CCDC192: variants seen among roughly 807,000 people sequenced by gnomAD.
CCDC192 encodes coiled-coil domain-containing protein 192.
chr5:127,792,525 CATATATAT>C (rs34017962), intron 3 of CCDC192, among the ~76,000 whole-genome samples: 3 of 141,298 alleles, frequency 2.1e-5, no homozygotes, highest in Non-Finnish European at 3.1e-5. Flanking sequence ...ATCACCATCT[CATATATAT>C]ATATATATAT....
chr5:127,712,084 TA>T (rs1751371933), intron 2 of CCDC192, among the ~76,000 whole-genome samples: 1 of 152,172 alleles, frequency 6.6e-6, no homozygotes, highest in Admixed American at 6.5e-5. Flanking sequence ...GAGATTTTTA[TA>T]AACGGAGACA....
intron 2 of CCDC192, among the ~76,000 whole-genome samples, chr5:127,733,301 T>C (rs1210273186): frequency 6.6e-6 from 1 of 152,102 alleles, no homozygotes; most frequent in African/African-American, 2.4e-5. Context: ...ACCTACAGCT[T>C]GATGAGAGAA....
intron 2 of CCDC192, among the ~76,000 whole-genome samples, chr5:127,736,953 A>G (rs1753046211): frequency 6.7e-6 from 1 of 150,030 alleles, no homozygotes; most frequent in Non-Finnish European, 1.5e-5. Flanking sequence ...GATTTTAGTT[A>G]TTTCTTGCCT....
At chr5:127,752,473 C>G (rs1219964638) in intron 2 of CCDC192, among the ~76,000 whole-genome samples, 1 of 152,240 alleles carries the variant, frequency 6.6e-6, no homozygotes, top group Non-Finnish European at 1.5e-5. Context: ...TGCCCGTTCT[C>G]AGATCTCCAG....
At chr5:127,914,821 C>T (rs1460160100) in intron 6 of CCDC192, among the ~76,000 whole-genome samples, 3 of 152,042 alleles carry the variant, frequency 2.0e-5, no homozygotes, top group Admixed American at 1.3e-4. Context: ...ATTGATGGGC[C>T]GACTGACACA....
At chr5:127,741,592 C>CT (rs1179713882) in intron 2 of CCDC192, among the ~76,000 whole-genome samples, 1 of 152,120 alleles carries the variant, frequency 6.6e-6, no homozygotes, top group Non-Finnish European at 1.5e-5. Flanking sequence ...AAAGGAGTCT[C>CT]TGTTGCTCAT....
intron 5 of CCDC192, among the ~76,000 whole-genome samples, chr5:127,865,016 A>G (rs1004933676): frequency 6.6e-6 from 1 of 152,116 alleles, no homozygotes; most frequent in African/African-American, 2.4e-5. Context: ...GCGTGGTGGC[A>G]CGTGCCTGTA....
chr5:127,810,975 C>A (rs543989234), intron 5 of CCDC192, among the ~76,000 whole-genome samples: 2 of 152,290 alleles, frequency 1.3e-5, no homozygotes, highest in African/African-American at 4.8e-5. Flanking sequence ...TGGGCCCATT[C>A]AGAGCCTTGT....
intron 3 of CCDC192, among the ~76,000 whole-genome samples, chr5:127,760,094 C>CT (rs1369854896): frequency 6.6e-6 from 1 of 151,824 alleles, no homozygotes; most frequent in African/African-American, 2.4e-5. Flanking sequence ...TATGAGAAAA[C>CT]TTTTTAAAGT....
intron 5 of CCDC192, among the ~76,000 whole-genome samples, chr5:127,834,749 C>A (rs1175792997): frequency 6.6e-6 from 1 of 152,192 alleles, no homozygotes; most frequent in African/African-American, 2.4e-5. Flanking sequence ...TTGTTAAACT[C>A]TCTAGCGAAT....
At chr5:127,799,015 A>G (rs1213913597) in intron 5 of CCDC192, among the ~76,000 whole-genome samples, 1 of 152,104 alleles carries the variant, frequency 6.6e-6, no homozygotes, top group Non-Finnish European at 1.5e-5. Context: ...AATGCCTTAG[A>G]CATCTCCTCA....
intron 6 of CCDC192, among the ~76,000 whole-genome samples, chr5:127,894,990 T>C (rs930413448): frequency 5.3e-5 from 8 of 152,244 alleles, no homozygotes; most frequent in Admixed American, 1.3e-4. Flanking sequence ...ATTTTTTTTT[T>C]CCCTGCAACT....
At chr5:127,932,155 A>C (rs1356958022) in intron 6 of CCDC192, among the ~76,000 whole-genome samples, 1 of 145,536 alleles carries the variant, frequency 6.9e-6, no homozygotes, top group Non-Finnish European at 1.5e-5. Flanking sequence ...CTCCGTCTCA[A>C]AAAAAAAAAA....
chr5:127,741,328 G>A (rs1753407418), intron 2 of CCDC192, among the ~76,000 whole-genome samples: 2 of 152,112 alleles, frequency 1.3e-5, no homozygotes, highest in East Asian at 1.9e-4. Flanking sequence ...CTCCCAAAAT[G>A]CTGGGACTGC....
chr5:127,909,535 A>G (rs1313609552), intron 6 of CCDC192, among the ~76,000 whole-genome samples: 1 of 152,036 alleles, frequency 6.6e-6, no homozygotes, highest in African/African-American at 2.4e-5. Flanking sequence ...CTTGCTACCT[A>G]ATTTGCAGTC....
At chr5:127,780,957 G>A (rs1454143667) in intron 3 of CCDC192, among the ~76,000 whole-genome samples, 2 of 152,110 alleles carry the variant, frequency 1.3e-5, no homozygotes, top group Non-Finnish European at 2.9e-5. Flanking sequence ...ATAGTTTCAG[G>A]AAAGCACATA....
intron 2 of CCDC192, among the ~76,000 whole-genome samples, chr5:127,747,256 C>G (rs184360516): frequency 1.3e-5 from 2 of 151,998 alleles, no homozygotes; most frequent in African/African-American, 2.4e-5. Context: ...TCCCTCCCCC[C>G]TCTCCCCACC....
At chr5:127,737,514 A>G (rs1175525652) in intron 2 of CCDC192, among the ~76,000 whole-genome samples, 4 of 151,324 alleles carry the variant, frequency 2.6e-5, no homozygotes, top group African/African-American at 7.4e-5. Flanking sequence ...TGATCTGTCT[A>G]ATGTTAACAG....
chr5:127,921,022 G>A (rs1753697943), intron 6 of CCDC192, among the ~76,000 whole-genome samples: 1 of 151,180 alleles, frequency 6.6e-6, no homozygotes, highest in African/African-American at 2.4e-5. Context: ...GGGCATCAGA[G>A]TGAGAGTCTG....
Sources: allele counts gnomAD v4.1 joint callset (sites outside exome capture counted in the v4.1 genomes callset), GRCh38; gene constraint gnomAD v4.1.1; transcripts MANE v1.5; gene names NCBI Gene and HGNC (gene_info 2026-07-23, HGNC 2026-07-21).